SRBD1: variants seen among roughly 807,000 people sequenced by gnomAD.
SRBD1 encodes the protein S1 RNA binding domain 1, also known as S1 RNA-binding domain-containing protein 1.
SRBD1 carries 88 observed loss-of-function variants against 115.3 expected under a neutral mutation model. The ratio of observed to expected loss-of-function variants is 0.76; its 90% CI spans 0.64 to 0.91. SRBD1 has a LOEUF of 0.91. SRBD1 is among the 40% of genes least tolerant of loss of function. The probability of loss-of-function intolerance (pLI) is 0.00; values close to 1 mark genes in which losing one functional copy is unlikely to be tolerated. For synonymous variants in SRBD1, 509 were observed against 407.7 expected (o/e 1.25, Z -2.99); for missense variants, 1,385 against 1,177.4 (o/e 1.18, Z -2.58).
intron 16 of SRBD1, among the ~76,000 whole-genome samples, chr2:45,444,757 C>T (rs1353234502): frequency 6.6e-6 from 1 of 152,180 alleles, no homozygotes; most frequent in Admixed American, 6.5e-5. Context: ...TGCTCAAATA[C>T]TAATGCTCTT....
intron 3 of SRBD1, among the ~76,000 whole-genome samples, chr2:45,600,333 A>G (rs1323419878): frequency 6.6e-6 from 1 of 152,212 alleles, no homozygotes; most frequent in Non-Finnish European, 1.5e-5. Flanking sequence ...TAAAGAGTAC[A>G]TGGAATTCTT....
At chr2:45,608,272 T>C (rs1158437634) in intron 1 of SRBD1, among the ~76,000 whole-genome samples, 1 of 152,170 alleles carries the variant, frequency 6.6e-6, no homozygotes, top group Admixed American at 6.5e-5. Flanking sequence ...TTGTAATATT[T>C]CTTTTCACAA....
chr2:45,471,606 T>C (rs1669649365), intron 16 of SRBD1, among the ~76,000 whole-genome samples: 1 of 152,146 alleles, frequency 6.6e-6, no homozygotes, highest in Non-Finnish European at 1.5e-5. Context: ...GAAATAGTAA[T>C]TTAGACTTCT....
At chr2:45,608,184 G>T (rs957043134) in intron 1 of SRBD1, among the ~76,000 whole-genome samples, 2 of 152,158 alleles carry the variant, frequency 1.3e-5, no homozygotes, top group Admixed American at 6.5e-5. Flanking sequence ...CTTAAAGAAG[G>T]CTCCCCTAAA....
chr2:45,534,771 T>G (rs926656598), intron 14 of SRBD1, among the ~76,000 whole-genome samples: 4 of 151,994 alleles, frequency 2.6e-5, no homozygotes, highest in African/African-American at 9.7e-5. Context: ...CATAACATTA[T>G]GAACTTACAT....
intron 4 of SRBD1, 144 bp downstream of exon 4, chr2:45,599,305 A>C: frequency 8.8e-7 from 1 of 1,138,686 alleles, no homozygotes; most frequent in Non-Finnish European, 1.2e-6. Context: ...GAAAGTTACA[A>C]GTAGGAAAGC....
chr2:45,491,190 G>A (rs887636213), intron 14 of SRBD1, among the ~76,000 whole-genome samples: 9 of 151,922 alleles, frequency 5.9e-5, no homozygotes, highest in African/African-American at 9.7e-5. Flanking sequence ...CTAAATTTAC[G>A]AAAACACTTT....
rs150133531 is a variant in SRBD1 at position 45,574,634 on chromosome 2, G to A, written c.1162C>T (p.Arg388Trp). Residue 388 changes from arginine to tryptophan, a missense_variant, in exon 8 of 21, where the codon CGG becomes TGG. Arg to Trp is a moderately radical substitution (Grantham distance 101). Transcript: ENST00000263736. Reference sequence around the variant, plus strand: ...CATAAAAGAGATACTCACAAGTTCCGAATGAAGTCAAGCGTGTCTTTGTCT... The same window carrying A: ...CATAAAAGAGATACTCACAAGTTCCAAATGAAGTCAAGCGTGTCTTTGTCT... ...AKDKDTLDFI[R>W]NLCQKRHVCI... 3.8e-5 allele frequency: 61 copies of A among 1,612,532 alleles called. No individual in the cohort carries two copies. The African/African-American group carries it at 5.9e-4, about 16-fold the overall frequency.
At chr2:45,542,582 T>C (rs1199611348) in intron 14 of SRBD1, among the ~76,000 whole-genome samples, 2 of 152,196 alleles carry the variant, frequency 1.3e-5, no homozygotes, top group Admixed American at 6.5e-5. Context: ...AGAATTCTGA[T>C]ACATTGTTGG....
chr2:45,585,708 C>G lies in SRBD1; in HGVS notation c.715G>C (p.Asp239His), dbSNP rs918519923. 9 of 1,612,510 alleles carry G rather than the reference C, an allele frequency of 5.6e-6. No individual in the cohort carries two copies. The African/African-American group carries it at 1.2e-4, about 22-fold the overall frequency. ...CANIIRLFND[D>H]NTIPFIIRYR... ...CGTATAATGAAGGGAATTGTGTTAT[C>G]ATCATTAAAGAGACGAATGATGTTG... is the stretch of plus-strand genomic sequence containing the variant. The change falls in exon 5 of 21, where the codon GAT (aspartate) becomes CAT (histidine). Residue 239 changes from aspartate (D) to histidine (H), a missense_variant. By Grantham distance (81) the Asp-to-His change is moderately conservative. Transcript: ENST00000263736.
intron 14 of SRBD1, among the ~76,000 whole-genome samples, chr2:45,505,224 T>C (rs1342974755): frequency 1.3e-5 from 2 of 152,132 alleles, no homozygotes; most frequent in African/African-American, 4.8e-5. Flanking sequence ...TTTCAGCAAG[T>C]AAAGGTTCCA....
At chr2:45,425,094 T>C (rs1167831006) in intron 16 of SRBD1, among the ~76,000 whole-genome samples, 1 of 152,218 alleles carries the variant, frequency 6.6e-6, no homozygotes, top group African/African-American at 2.4e-5. Context: ...AATCTCTTTA[T>C]CATTTAATCA....
chr2:45,580,414 C>T (rs969578176), intron 6 of SRBD1, among the ~76,000 whole-genome samples: 1 of 151,670 alleles, frequency 6.6e-6, no homozygotes, highest in Non-Finnish European at 1.5e-5. Flanking sequence ...GGCGCGATCT[C>T]GGCTCACTGC....
At chr2:45,566,910 C>A (rs1217490279) in intron 9 of SRBD1, among the ~76,000 whole-genome samples, 1 of 152,064 alleles carries the variant, frequency 6.6e-6, no homozygotes, top group Non-Finnish European at 1.5e-5. Flanking sequence ...TGGCTTTCTT[C>A]CAATTACTCT....
chr2:45,562,842 T>A (rs72882451), intron 9 of SRBD1, 86 bp from the exon 10 acceptor site: 1 of 793,054 alleles, frequency 1.3e-6, no homozygotes, highest in African/African-American at 1.8e-5. Flanking sequence ...GCTATATGAA[T>A]TTTTTACTCG....
intron 14 of SRBD1, among the ~76,000 whole-genome samples, chr2:45,527,621 G>A (rs999963502): frequency 6.6e-6 from 1 of 151,822 alleles, no homozygotes; most frequent in Non-Finnish European, 1.5e-5. Context: ...TATACTATGT[G>A]CCAAGCACCA....
At chr2:45,393,628 C>T (rs571993629) in intron 19 of SRBD1, among the ~76,000 whole-genome samples, 2 of 152,190 alleles carry the variant, frequency 1.3e-5, no homozygotes, top group South Asian at 2.1e-4. Flanking sequence ...GATCTGCCTG[C>T]CTTGGCCTCC....
chr2:45,587,437 G>A lies in SRBD1; in HGVS notation c.649-1663C>T, dbSNP rs1673583231. The stretch of plus-strand genomic sequence containing the variant: ...GAAAGAATAAAATCCAATTTTAGTA[G>A]CTTCCCAAACCCTAAGCAGCTCTTT... On this transcript the variant is annotated intron_variant, in intron 4 of 20. Transcript: ENST00000263736. Among the ~76,000 whole-genome samples, 5 of 152,082 alleles carry A rather than the reference G, an allele frequency of 3.3e-5. No homozygotes were observed. The South Asian group carries it at 8.3e-4, about 25-fold the overall frequency.
At position 45,576,383 on chromosome 2, in the gene SRBD1, T is replaced by C. The variant is rs115082041; in HGVS notation, c.1073-1660A>G. Among the ~76,000 whole-genome samples the C allele has an allele frequency of 3.7e-3, 558 of 152,200 alleles. 10 individuals carry two copies. Among genetic ancestry groups the C allele is most frequent in the African/African-American group, 0.013 (532 of 41,498 alleles). On this transcript the variant is annotated intron_variant, in intron 7 of 20. Transcript: ENST00000263736. ...CAGTAGGCTATTAACAATTAAGTTT[T>C]TATAAAGTCAAAAGTTATACCTAAA...
Sources: gnomAD v4.1 joint callset for allele counts (sites outside exome capture counted in the v4.1 genomes callset) on GRCh38, gnomAD v4.1.1 for gene constraint, MANE v1.5 for transcripts, NCBI Gene and HGNC (gene_info 2026-07-23, HGNC 2026-07-21) for gene names.